The following PPP1R37 variants were observed in gnomAD, a reference collection of about 807,000 sequenced individuals.
PPP1R37 encodes the protein leucine rich repeat containing 68.
In PPP1R37, 21 loss-of-function variants were observed where a neutral mutation model predicts 61.0. The observed-to-expected ratio is 0.34, with a 90% CI of 0.24 to 0.50. The LOEUF is 0.50. Ranked by LOEUF, PPP1R37 falls within the 20% of genes least tolerant of loss-of-function variation. The pLI is 0.98. For synonymous variants in PPP1R37, 443 were observed against 433.5 expected, an observed-to-expected ratio of 1.02 and a Z score of -0.27; for missense variants, 910 against 952.7, an observed-to-expected ratio of 0.96 and a Z score of 0.59.
In PPP1R37 at chr19:45,143,570, GACC is replaced by G; in HGVS notation, c.925_927del (p.Thr309del). 1 of 1,535,962 alleles carries G rather than the reference GACC, an allele frequency of 6.5e-7. No homozygotes were observed. The highest frequency in any genetic ancestry group is 8.7e-7 in the Non-Finnish European group (1 of 1,146,782). On this transcript the variant is annotated inframe_deletion, in exon 8 of 13. Coordinates refer to ENST00000221462, the MANE Select transcript of PPP1R37 (RefSeq NM_019121.2). ...TCAAGGAGCAGAGGAAGGGGCTGGT[GACC>G]CTGGTGCTGTGGAACAACCAGCTCA... is the stretch of plus-strand genomic sequence containing the variant.
In PPP1R37 at chr19:45,145,798, C is replaced by T; in HGVS notation, c.1742C>T (p.Ala581Val). 12 of 1,498,108 alleles carry T rather than the reference C, an allele frequency of 8.0e-6. No individual in the cohort carries two copies. The highest frequency in any genetic ancestry group is 1.1e-5 in the Non-Finnish European group (12 of 1,127,352). 92.8% of individuals were successfully genotyped at this position (1,498,108 alleles called of 1,614,324 possible). ...CGGGTGGAGAGCCCGCCCGAGAGGG[C>T]AGAGCCCCCTGCGTCCCCCACCCCT... is the stretch of plus-strand genomic sequence containing the variant. ...VTRVESPPER[A>V]EPPASPTPPS... The change falls in exon 11 of 13, where the codon GCA (alanine) becomes GTA (valine). Residue 581 changes from alanine (A) to valine (V), a missense_variant. Ala to Val is a moderately conservative substitution (Grantham distance 64). Coordinates refer to ENST00000221462, the MANE Select transcript of PPP1R37 (RefSeq NM_019121.2).
At position 45,145,831 on chromosome 19, in the gene PPP1R37, C is replaced by T; in HGVS notation, c.1775C>T (p.Pro592Leu). The T allele has an allele frequency of 3.1e-6, 3 of 973,566 alleles. No homozygotes were observed. The highest frequency in any genetic ancestry group is 2.6e-5 in the Admixed American group (1 of 38,794). The allele number at this position is 973,566 out of a possible 1,614,324, so 60.3% of individuals were successfully genotyped here. Residue 592 changes from proline to leucine, a missense_variant, in exon 11 of 13, where the codon CCC (proline) becomes CTC (leucine). Coordinates refer to ENST00000221462, the MANE Select transcript of PPP1R37 (RefSeq NM_019121.2). ...EPPASPTPPSPPPPPSPPASP... is the reference protein window; with the variant it reads ...EPPASPTPPSLPPPPSPPASP... ...CCTGCGTCCCCCACCCCTCCCTCTC[C>T]CCCACCCCCTCCCTCCCCACCCGCC...
rs1454949586 is a variant in PPP1R37, at chr19:45,145,340, G to C, written c.1297-13G>C. ...GCCGGCCTGAGAGCCCTAGCCAGGC[G>C]CTCCCGCCACAGGTGAAGAGCTTCA... is the stretch of plus-strand genomic sequence containing the variant. On this transcript the variant is annotated splice_polypyrimidine_tract_variant and intron_variant, in intron 10 of 12. Coordinates refer to ENST00000221462, the MANE Select transcript of PPP1R37 (RefSeq NM_019121.2). The C allele has an allele frequency of 6.5e-7, 1 of 1,530,616 alleles. No homozygotes were observed. The highest frequency in any genetic ancestry group is 1.4e-5 in the African/African-American group (1 of 72,900). 94.8% of individuals were successfully genotyped at this position (1,530,616 alleles called of 1,614,324 possible).
chr19:45,111,699 C>T (rs755807831), intron 1 of PPP1R37, among the ~76,000 whole-genome samples: 1 of 151,958 alleles, frequency 6.6e-6, no homozygotes, highest in Admixed American at 6.6e-5. Context: ...ATTAACTCAC[C>T]TCTGCCTGTG....
chr19:45,116,286 G>A (rs943536614), intron 1 of PPP1R37, among the ~76,000 whole-genome samples: 1 of 152,224 alleles, frequency 6.6e-6, no homozygotes, highest in Non-Finnish European at 1.5e-5. Flanking sequence ...CAGGCCTGTG[G>A]CACCTGCCAT....
rs547486226 is a variant in PPP1R37, at chr19:45,141,274, C to G, written c.448-48C>G. 3.3e-6 allele frequency: 5 copies of G among 1,503,560 alleles called. No homozygotes were observed. In the East Asian group the frequency reaches 9.9e-5, roughly 30 times the overall value. The allele number at this position is 1,503,560 out of a possible 1,614,324, so 93.1% of individuals were successfully genotyped here. On this transcript the variant is annotated intron_variant, in intron 4 of 12. Coordinates refer to ENST00000221462, the MANE Select transcript of PPP1R37 (RefSeq NM_019121.2). ...CGGTGTCAGGGCCCACGCCTCTCCT[C>G]CAGGGCAGCCCAGAGCTGAGGCTGA...
Position 45,141,406 on chromosome 19 carries a change from C to T in PPP1R37, c.532C>T (p.Arg178Trp), listed in dbSNP as rs914960576. ...NISFNKHIGT[R>W]GWQAAAHMMR... ...CTCCTTCAACAAGCACATCGGCACCCGGGGCTGGCAGGCGGCCGCCCACAT... is the reference window on the plus strand; with the variant it reads ...CTCCTTCAACAAGCACATCGGCACCTGGGGCTGGCAGGCGGCCGCCCACAT... Residue 178 changes from arginine (R) to tryptophan (W), a missense_variant, in exon 5 of 13, where the codon CGG becomes TGG. By Grantham distance (101) the Arg-to-Trp change is moderately radical (BLOSUM62 -3). This residue lies in a region of PPP1R37 where 280 missense variants were observed against 382.2 expected (regional missense o/e 0.73). Transcript: ENST00000221462. The T allele has an allele frequency of 8.5e-6, 13 of 1,535,998 alleles. No individual in the cohort carries two copies. Among genetic ancestry groups the T allele is most frequent in the Admixed American group, 3.9e-5 (2 of 50,972 alleles).
chr19:45,125,996 C>T (rs918597632), intron 1 of PPP1R37, among the ~76,000 whole-genome samples: 1 of 152,202 alleles, frequency 6.6e-6, no homozygotes, highest in Non-Finnish European at 1.5e-5. Context: ...ACCCCCTGTG[C>T]CCCAGGCTCC....
At chr19:45,093,965 C>T (rs10405306) in intron 1 of PPP1R37, among the ~76,000 whole-genome samples, 21,540 of 152,138 alleles carry the variant, frequency 0.14, 1,703 homozygotes, top group Non-Finnish European at 0.17. Flanking sequence ...AGTTGCTGGT[C>T]TGCAAGCCTT....
chr19:45,136,566 G>A (rs1359389522), intron 1 of PPP1R37, among the ~76,000 whole-genome samples: 1 of 152,146 alleles, frequency 6.6e-6, no homozygotes, highest in Admixed American at 6.5e-5. Flanking sequence ...GGGTCACCAA[G>A]CACATGGGCC....
intron 1 of PPP1R37, among the ~76,000 whole-genome samples, chr19:45,116,142 G>A (rs118118561): frequency 2.6e-3 from 397 of 152,330 alleles, no homozygotes; most frequent in Non-Finnish European, 4.7e-3. Context: ...GGGAAGGTGC[G>A]CCCAATCTGC....
chr19:45,138,676 G>C (rs1239619201), intron 2 of PPP1R37, 65 bp downstream of exon 2: 1 of 1,208,314 alleles, frequency 8.3e-7, no homozygotes, highest in East Asian at 2.6e-5. Context: ...GGTGGAACCA[G>C]CCCAGCAGGA....
At chr19:45,110,422 C>A (rs554810140) in intron 1 of PPP1R37, among the ~76,000 whole-genome samples, 5 of 152,188 alleles carry the variant, frequency 3.3e-5, no homozygotes, top group African/African-American at 1.2e-4. Context: ...GGCCACATTT[C>A]TTACTTTTAC....
rs573283992 is a variant in PPP1R37 at position 45,093,339 on chromosome 19, C to T, written c.14C>T (p.Pro5Leu). 6.7e-7 allele frequency: 1 copy of T among 1,485,878 alleles called. No homozygotes were observed. Among genetic ancestry groups the T allele is most frequent in the East Asian group, 2.6e-5 (1 of 37,880 alleles). 92.0% of individuals were successfully genotyped at this position (1,485,878 alleles called of 1,614,324 possible). A position where few individuals can be genotyped will look rare whatever the true frequency, so the allele number is the denominator to read the frequency against. Residue 5 changes from proline to leucine, a missense_variant, in exon 1 of 13, where the codon CCG becomes CTG. Coordinates refer to ENST00000221462, the MANE Select transcript of PPP1R37 (RefSeq NM_019121.2). Reference sequence around the variant, plus strand: ...GCGGCGGCGGCTATGGAGATCGCGCCGCAGGAGGCGCCGCCCGTGCCGGGC... The same window carrying T: ...GCGGCGGCGGCTATGGAGATCGCGCTGCAGGAGGCGCCGCCCGTGCCGGGC... MEIA[P>L]QEAPPVPGAD...
intron 1 of PPP1R37, among the ~76,000 whole-genome samples, chr19:45,127,029 CAT>C (rs922074249): frequency 1.4e-4 from 22 of 152,172 alleles, no homozygotes; most frequent in African/African-American, 5.1e-4. Context: ...ATTTCATGGT[CAT>C]GTGAACATCC....
intron 1 of PPP1R37, among the ~76,000 whole-genome samples, chr19:45,127,862 C>T (rs1968426373): frequency 1.3e-5 from 2 of 151,156 alleles, no homozygotes; most frequent in African/African-American, 2.4e-5. Context: ...GTAGTTCCAT[C>T]TACTAGGGAG....
At chr19:45,105,709 A>G (rs947818361) in intron 1 of PPP1R37, among the ~76,000 whole-genome samples, 5 of 151,914 alleles carry the variant, frequency 3.3e-5, no homozygotes, top group Admixed American at 6.6e-5. Context: ...TCTGCCTACT[A>G]TGATCACAAT....
intron 1 of PPP1R37, among the ~76,000 whole-genome samples, chr19:45,115,024 C>G (rs2122723495): frequency 6.6e-6 from 1 of 152,242 alleles, no homozygotes; most frequent in African/African-American, 2.4e-5. Flanking sequence ...ACAGGATTGG[C>G]TGTGTTTTCT....
chr19:45,131,993 C>T (rs577545110), intron 1 of PPP1R37, among the ~76,000 whole-genome samples: 39 of 152,270 alleles, frequency 2.6e-4, no homozygotes, highest in African/African-American at 8.4e-4. Flanking sequence ...AGGGATGGAA[C>T]TCAGGTCTTC....
Sources: allele counts gnomAD v4.1 joint callset (sites outside exome capture counted in the v4.1 genomes callset), GRCh38; gene constraint gnomAD v4.1.1; regional missense constraint gnomAD v4.1.1; transcripts MANE v1.5; gene names NCBI Gene and HGNC (gene_info 2026-07-23, HGNC 2026-07-21).